Variants in PCDHA5 observed in about 807,000 individuals in gnomAD.
The protein encoded by PCDHA5 is protocadherin alpha-5.
Under a neutral mutation model 61.6 loss-of-function variants are expected in PCDHA5, and 43 were observed. That is an observed-to-expected ratio of 0.70 (90% CI 0.55 to 0.90). The LOEUF (loss-of-function observed/expected upper bound fraction) is 0.90. PCDHA5 is among the 40% of genes least tolerant of loss of function. The pLI, the probability that PCDHA5 is intolerant of heterozygous loss-of-function variation, is 0.00. For missense variants in PCDHA5, 1,298 were observed against 1,222.7 expected (o/e 1.06, Z -0.92); for synonymous variants, 627 against 543.9 (o/e 1.15, Z -2.13).
At chr5:140,926,961 G>A in intron 1 of PCDHA5, 1 of 1,604,688 alleles carries the variant, frequency 6.2e-7, no homozygotes, top group Non-Finnish European at 8.5e-7. Context: ...GACAGCTCGA[G>A]TACTCAGTGC....
chr5:140,834,757 A>G (rs2150225607), intron 1 of PCDHA5: 7 of 1,614,134 alleles, frequency 4.3e-6, no homozygotes, highest in Non-Finnish European at 5.9e-6. Context: ...GAGGTGAAGG[A>G]CATTAACGAC....
chr5:140,869,786 T>C lies in PCDHA5; in HGVS notation c.2352+45659T>C, dbSNP rs1554163459. On this transcript the variant is annotated intron_variant, in intron 1 of 3. Transcript: ENST00000529859. ...CCAGAGCTTACTGGCACCGTTCGGC[T>C]GTTAGTCCAAGTCTTGGATGTCAAC... 1.9e-6 allele frequency: 3 copies of C among 1,612,992 alleles called. No homozygotes were observed. The East Asian group carries it at 6.7e-5, about 36-fold the overall frequency.
At chr5:140,844,934 G>T (rs1554140786) in intron 1 of PCDHA5, among the ~76,000 whole-genome samples, 1 of 149,226 alleles carries the variant, frequency 6.7e-6, no homozygotes, top group African/African-American at 2.5e-5. Context: ...GGGAATGAAC[G>T]ATTTCTGGGA....
In PCDHA5 at chr5:140,876,048, T is replaced by A. The variant is rs376201695; in HGVS notation, c.2352+51921T>A. 5 of 1,613,812 alleles carry A rather than the reference T, an allele frequency of 3.1e-6. No individual in the cohort carries two copies. In the African/African-American group the frequency reaches 5.3e-5, roughly 17 times the overall value. On this transcript the variant is annotated intron_variant, in intron 1 of 3. Transcript: ENST00000529859. ...CAAAAAAAGATAAAAGTATATTGCC[T>A]GAATTAGTTCTTCGGAAGTTATTGG...
chr5:141,004,948 C>G (rs1356526927), intron 3 of PCDHA5, among the ~76,000 whole-genome samples: 1 of 152,236 alleles, frequency 6.6e-6, no homozygotes, highest in Non-Finnish European at 1.5e-5. Context: ...TTCTTACCCT[C>G]TCTCGTCACT....
At position 140,947,211 on chromosome 5, in the gene PCDHA5, T is replaced by A. The variant is rs562676640; in HGVS notation, c.2353-31738T>A. Among the ~76,000 whole-genome samples, 51 of 151,298 alleles carry A rather than the reference T, an allele frequency of 3.4e-4. 1 individual carries two copies. In the South Asian group the frequency reaches 0.011, roughly 32 times the overall value. On this transcript the variant is annotated intron_variant, in intron 1 of 3. Transcript: ENST00000529859. ...ACTACACAGCCTTAAAAAAAGAAAA[T>A]CCTGTCATTTATGACAGGAAAAAAA...
chr5:140,999,217 A>G (rs2097851437), intron 3 of PCDHA5, among the ~76,000 whole-genome samples: 1 of 152,232 alleles, frequency 6.6e-6, no homozygotes, highest in Non-Finnish European at 1.5e-5. Context: ...TGGAAGTACT[A>G]CATTTGAGAA....
intron 1 of PCDHA5, chr5:140,928,746 C>A (rs782813323): frequency 6.2e-7 from 1 of 1,614,130 alleles, no homozygotes. Context: ...TAGGTGAGCT[C>A]CGTACTGCTC....
chr5:140,894,525 A>G (rs544789222), intron 1 of PCDHA5, among the ~76,000 whole-genome samples: 11 of 151,856 alleles, frequency 7.2e-5, no homozygotes, highest in African/African-American at 2.7e-4. Context: ...ATATGCTGTT[A>G]TGTGCCTTCT....
rs2092672361 is a variant in PCDHA5, at chr5:140,940,726, G to A, written c.2353-38223G>A. On this transcript the variant is annotated intron_variant, in intron 1 of 3. Coordinates refer to ENST00000529859, the MANE Select transcript of PCDHA5 (RefSeq NM_018908.3). Reference sequence around the variant, plus strand: ...ATACCTGCTGTGTGCTGTTTCAGCTGGACAGCTCCATATTTTTATGTGTGC... The same window carrying A: ...ATACCTGCTGTGTGCTGTTTCAGCTAGACAGCTCCATATTTTTATGTGTGC... 3.9e-5 allele frequency among the ~76,000 whole-genome samples: 6 copies of A among 152,124 alleles called. No homozygotes were observed. The South Asian group carries it at 1.2e-3, about 31-fold the overall frequency.
intron 1 of PCDHA5, among the ~76,000 whole-genome samples, chr5:140,933,127 A>G (rs1311388252): frequency 6.6e-6 from 1 of 151,992 alleles, no homozygotes; most frequent in East Asian, 1.9e-4. Flanking sequence ...AAGCTAAATA[A>G]TAAAGGTAGA....
At chr5:140,906,872 C>T (rs1421521976) in intron 1 of PCDHA5, among the ~76,000 whole-genome samples, 4 of 152,230 alleles carry the variant, frequency 2.6e-5, no homozygotes, top group African/African-American at 9.6e-5. Flanking sequence ...CCAGCCAACA[C>T]TGTAACTTCC....
At chr5:140,893,416 G>A (rs1351047268) in intron 1 of PCDHA5, among the ~76,000 whole-genome samples, 1 of 152,136 alleles carries the variant, frequency 6.6e-6, no homozygotes, top group Non-Finnish European at 1.5e-5. Context: ...ACTTAGGGAG[G>A]CAGAGGCAGG....
chr5:140,909,210 G>A (rs2074375008), intron 1 of PCDHA5, among the ~76,000 whole-genome samples: 1 of 152,186 alleles, frequency 6.6e-6, no homozygotes, highest in Non-Finnish European at 1.5e-5. Context: ...CCGGAGAGTT[G>A]ATATACCCCT....
At position 140,835,665 on chromosome 5, in the gene PCDHA5, C is replaced by A. The variant is rs2150241242; in HGVS notation, c.2352+11538C>A. On this transcript the variant is annotated intron_variant, in intron 1 of 3. Coordinates refer to ENST00000529859, the MANE Select transcript of PCDHA5 (RefSeq NM_018908.3). ...CGCCTATGAGCTGGTGGTTACCGCG[C>A]GGGACGGGGGCTCGCCTTCTCTGTG... 5 of 1,613,890 alleles carry A rather than the reference C, an allele frequency of 3.1e-6. No individual in the cohort carries two copies. In the East Asian group the frequency reaches 6.7e-5, roughly 22 times the overall value.
chr5:140,864,277 T>C (rs1203382304), intron 1 of PCDHA5: 1 of 152,228 alleles, frequency 6.6e-6, no homozygotes, highest in African/African-American at 2.4e-5. Context: ...CTCCATTCCT[T>C]ATTGTTTTTA....
chr5:140,874,556 C>CAAAA (rs2054997993), intron 1 of PCDHA5, among the ~76,000 whole-genome samples: 1 of 152,178 alleles, frequency 6.6e-6, no homozygotes, highest in African/African-American at 2.4e-5. Flanking sequence ...AGAGATCTTT[C>CAAAA]GCATTTTAGT....
chr5:140,846,727 C>T (rs2150394030), intron 1 of PCDHA5, among the ~76,000 whole-genome samples: 16 of 149,262 alleles, frequency 1.1e-4, no homozygotes, highest in Non-Finnish European at 1.2e-4. Context: ...CTTCATTAAA[C>T]ATTAAATAGG....
intron 1 of PCDHA5, chr5:140,875,559 C>A (rs1554167755): frequency 6.2e-7 from 1 of 1,614,138 alleles, no homozygotes; most frequent in Admixed American, 1.7e-5. Flanking sequence ...TGGGGAGCGG[C>A]CAGCTCCACT....
Sources: allele counts gnomAD v4.1 joint callset (sites outside exome capture counted in the v4.1 genomes callset), GRCh38; gene constraint gnomAD v4.1.1; transcripts MANE v1.5; gene names NCBI Gene and HGNC (gene_info 2026-07-23, HGNC 2026-07-21).